The following GALNTL6 variants were observed in gnomAD, a reference collection of about 807,000 sequenced individuals.
GALNTL6 encodes the protein polypeptide N-acetylgalactosaminyltransferase like 6, also known as polypeptide N-acetylgalactosaminyltransferase-like 6.
GALNTL6 carries 46 observed loss-of-function variants against 73.7 expected under a neutral mutation model. The observed-to-expected ratio is 0.62, with a 90% CI of 0.49 to 0.80. The LOEUF (loss-of-function observed/expected upper bound fraction) is 0.80, where lower values mean the gene tolerates loss of function less well. Among genes scored for constraint, GALNTL6 ranks in the 30% least tolerant of loss-of-function variants. The pLI, the probability that GALNTL6 is intolerant of heterozygous loss-of-function variation, is 0.00. For missense variants in GALNTL6, 604 were observed against 755.0 expected, an observed-to-expected ratio of 0.80 and a Z score of 2.34; for synonymous variants, 259 against 263.7, an observed-to-expected ratio of 0.98 and a Z score of 0.17.
chr4:172,446,281 A>G (rs1732017856), intron 5 of GALNTL6, among the ~76,000 whole-genome samples: 1 of 152,176 alleles, frequency 6.6e-6, no homozygotes, highest in Non-Finnish European at 1.5e-5. Flanking sequence ...TTAGAATTTG[A>G]GTCCAGATCT....
intron 5 of GALNTL6, among the ~76,000 whole-genome samples, chr4:172,702,238 A>C (rs1291779802): frequency 6.6e-6 from 1 of 152,052 alleles, no homozygotes; most frequent in Non-Finnish European, 1.5e-5. Flanking sequence ...AGAGACACAA[A>C]ATCTATTGGA....
intron 3 of GALNTL6, among the ~76,000 whole-genome samples, chr4:172,277,425 C>T (rs1738872873): frequency 6.6e-6 from 1 of 151,792 alleles, no homozygotes; most frequent in Admixed American, 6.6e-5. Context: ...TGGCAGCCCC[C>T]AAAAGTGTTT....
At chr4:172,283,187 A>G (rs1218145497) in intron 3 of GALNTL6, among the ~76,000 whole-genome samples, 2 of 152,210 alleles carry the variant, frequency 1.3e-5, no homozygotes, top group East Asian at 3.8e-4. Context: ...CATGAGTGAG[A>G]CAAAGAATTT....
At chr4:172,689,933 A>G (rs1733166151) in intron 5 of GALNTL6, among the ~76,000 whole-genome samples, 1 of 152,246 alleles carries the variant, frequency 6.6e-6, no homozygotes, top group African/African-American at 2.4e-5. Context: ...CAGGATATAA[A>G]GTATACAAAT....
chr4:172,845,216 C>CAAAAAAAAAAAA (rs11336973), intron 7 of GALNTL6, among the ~76,000 whole-genome samples: 11 of 91,058 alleles, frequency 1.2e-4, no homozygotes, highest in African/African-American at 4.2e-4. Flanking sequence ...GTCTCTGTCT[C>CAAAAAAAAAAAA]AAAAAAAAAA....
intron 7 of GALNTL6, among the ~76,000 whole-genome samples, chr4:172,858,666 A>C (rs763046909): frequency 2.0e-5 from 3 of 152,308 alleles, no homozygotes; most frequent in Non-Finnish European, 4.4e-5. Flanking sequence ...CTGTCATGGC[A>C]TAGTGTTGAT....
At chr4:172,681,232 C>A (rs543570192) in intron 5 of GALNTL6, among the ~76,000 whole-genome samples, 1 of 152,204 alleles carries the variant, frequency 6.6e-6, no homozygotes, top group South Asian at 2.1e-4. Flanking sequence ...GAGTAAACAG[C>A]ATCCCTGATG....
intron 5 of GALNTL6, among the ~76,000 whole-genome samples, chr4:172,672,722 G>A (rs1732060374): frequency 6.6e-6 from 1 of 152,084 alleles, no homozygotes; most frequent in South Asian, 2.1e-4. Context: ...GTCTGTCCAG[G>A]GATTCAGTTT....
chr4:172,562,445 C>A (rs1485378160), intron 5 of GALNTL6, among the ~76,000 whole-genome samples: 1 of 152,188 alleles, frequency 6.6e-6, no homozygotes, highest in Non-Finnish European at 1.5e-5. Context: ...CTCACCAGGC[C>A]GCCTTTCTGT....
At chr4:172,433,676 C>T (rs1035026164) in intron 5 of GALNTL6, among the ~76,000 whole-genome samples, 2 of 151,694 alleles carry the variant, frequency 1.3e-5, no homozygotes, top group African/African-American at 4.8e-5. Flanking sequence ...AAAATCCAGG[C>T]TCCCATCTGC....
chr4:172,235,080 C>T (rs1737195333), intron 3 of GALNTL6, among the ~76,000 whole-genome samples: 1 of 152,110 alleles, frequency 6.6e-6, no homozygotes, highest in Non-Finnish European at 1.5e-5. Context: ...AATTTATTCA[C>T]ATATTCTTAT....
intron 3 of GALNTL6, among the ~76,000 whole-genome samples, chr4:172,301,085 T>G (rs1739897753): frequency 6.6e-6 from 1 of 152,140 alleles, no homozygotes; most frequent in Non-Finnish European, 1.5e-5. Context: ...CTTTTTTCTC[T>G]AAACTTCTCT....
intron 10 of GALNTL6, among the ~76,000 whole-genome samples, chr4:172,961,184 G>T (rs1231929530): frequency 7.3e-6 from 1 of 136,540 alleles, no homozygotes; most frequent in Admixed American, 7.3e-5. Flanking sequence ...GGGGTGGGGG[G>T]TGCTTGCCCT....
chr4:172,074,368 G>A (rs1731639497), intron 2 of GALNTL6, among the ~76,000 whole-genome samples: 1 of 152,172 alleles, frequency 6.6e-6, no homozygotes, highest in Non-Finnish European at 1.5e-5. Flanking sequence ...CTTGTGGGGA[G>A]AAGGAATTAA....
intron 2 of GALNTL6, among the ~76,000 whole-genome samples, chr4:171,885,320 T>C (rs1033817450): frequency 1.3e-5 from 2 of 152,206 alleles, no homozygotes; most frequent in Non-Finnish European, 2.9e-5. Flanking sequence ...TTTTCCATCA[T>C]ACTTTGTTGA....
chr4:172,422,223 C>T (rs1289473914), intron 5 of GALNTL6, among the ~76,000 whole-genome samples: 1 of 152,058 alleles, frequency 6.6e-6, no homozygotes, highest in Non-Finnish European at 1.5e-5. Flanking sequence ...TCTCCAATTT[C>T]TCTTCTGGAC....
rs1736074810 is a variant in GALNTL6, at chr4:171,869,486, T to C, written c.138+54768T>C. ...ATTAGCTTAAATATTACCAACCTTT[T>C]TGTTTTTCTCCCAGTATTCTGGATG... On this transcript the variant is annotated intron_variant, in intron 2 of 12. Coordinates refer to ENST00000506823, the MANE Select transcript of GALNTL6 (RefSeq NM_001034845.3). Among the ~76,000 whole-genome samples the C allele has an allele frequency of 2.6e-5, 4 of 152,172 alleles. No individual in the cohort carries two copies. In the South Asian group the frequency reaches 8.3e-4, roughly 32 times the overall value.
chr4:172,173,490 C>T (rs766908047), intron 2 of GALNTL6, among the ~76,000 whole-genome samples: 15 of 152,238 alleles, frequency 9.9e-5, no homozygotes, highest in Admixed American at 3.3e-4. Context: ...CCCATGGCCA[C>T]TCAGCTGAGC....
At chr4:171,866,035 A>C (rs899690822) in intron 2 of GALNTL6, among the ~76,000 whole-genome samples, 2 of 152,304 alleles carry the variant, frequency 1.3e-5, no homozygotes, top group African/African-American at 4.8e-5. Flanking sequence ...CCAAACTCCC[A>C]CTAAAAAGAG....
Sources: gnomAD v4.1 joint callset for allele counts (sites outside exome capture counted in the v4.1 genomes callset) on GRCh38, gnomAD v4.1.1 for gene constraint, MANE v1.5 for transcripts, NCBI Gene and HGNC (gene_info 2026-07-23, HGNC 2026-07-21) for gene names.